PTPN13: variants seen among roughly 807,000 people sequenced by gnomAD.
PTPN13 encodes the protein protein tyrosine phosphatase non-receptor type 13, also known as tyrosine-protein phosphatase non-receptor type 13.
In PTPN13, 191 loss-of-function variants were observed where a neutral mutation model predicts 284.0. That is an observed-to-expected ratio of 0.67 (90% CI 0.60 to 0.76). PTPN13 has a LOEUF of 0.76. PTPN13 is among the 30% of genes least tolerant of loss of function. The pLI, the probability that PTPN13 is intolerant of heterozygous loss-of-function variation, is 0.00. For synonymous variants in PTPN13, 986 were observed against 1,022.3 expected (o/e 0.96, Z 0.68); for missense variants, 2,797 against 2,939.9 (o/e 0.95, Z 1.12).
chr4:86,652,275 C>T (rs1010638259), intron 2 of PTPN13, among the ~76,000 whole-genome samples: 3 of 151,978 alleles, frequency 2.0e-5, no homozygotes, highest in Non-Finnish European at 4.4e-5. Context: ...TTCTTTTAGT[C>T]TACTAAAATA....
chr4:86,766,732 A>G, intron 27 of PTPN13: 1 of 385,832 alleles, frequency 2.6e-6, no homozygotes, highest in African/African-American at 2.1e-5. Context: ...TCTATGTCAC[A>G]TTTAACGCTT....
intron 12 of PTPN13, among the ~76,000 whole-genome samples, chr4:86,733,891 A>G (rs1018645650): frequency 2.6e-5 from 4 of 152,202 alleles, no homozygotes; most frequent in African/African-American, 9.6e-5. Flanking sequence ...TATTTATTAA[A>G]TGTTTACCGT....
rs140392942 is a variant in PTPN13, at chr4:86,701,312, G to A, written c.706G>A (p.Gly236Arg). Residue 236 changes from glycine (G) to arginine (R), a missense_variant, in exon 7 of 48, where the codon GGG becomes AGG. Transcript: ENST00000411767. Reference protein sequence around the residue: ...PLSHQTFLNKGLSKSMGFLSI... With the variant: ...PLSHQTFLNKRLSKSMGFLSI... Reference sequence around the variant, plus strand: ...CTCTCATCAGACCTTTCTTAACAAAGGGCTTAGTAAATCTATGGGATTTCT... The same window carrying A: ...CTCTCATCAGACCTTTCTTAACAAAAGGCTTAGTAAATCTATGGGATTTCT... 7 of 1,612,516 alleles carry A rather than the reference G, an allele frequency of 4.3e-6. No homozygotes were observed. The highest frequency in any genetic ancestry group is 1.7e-4 in the Middle Eastern group (1 of 6,058).
chr4:86,776,355 C>T (rs1189814029), intron 35 of PTPN13, among the ~76,000 whole-genome samples: 2 of 152,156 alleles, frequency 1.3e-5, no homozygotes, highest in Non-Finnish European at 2.9e-5. Flanking sequence ...TTAGTTATTT[C>T]CTCCTCCCTG....
Position 86,758,822 on chromosome 4 carries a change from G to A in PTPN13, c.3421+37G>A. 1.9e-6 allele frequency: 3 copies of A among 1,599,194 alleles called. No individual in the cohort carries two copies. The South Asian group carries it at 3.4e-5, about 18-fold the overall frequency. On this transcript the variant is annotated intron_variant, in intron 22 of 47. Transcript: ENST00000411767. ...TTTGGTAGTTTTCTAAGTATTTTCTGACAGGCATGAATTTAGGAACTTAGG... is the reference window on the plus strand; with the variant it reads ...TTTGGTAGTTTTCTAAGTATTTTCTAACAGGCATGAATTTAGGAACTTAGG...
intron 24 of PTPN13, among the ~76,000 whole-genome samples, chr4:86,764,269 T>G (rs1401553494): frequency 6.6e-6 from 1 of 152,192 alleles, no homozygotes; most frequent in East Asian, 1.9e-4. Context: ...TAGGTTTCCA[T>G]CTGCCATATC....
intron 2 of PTPN13, among the ~76,000 whole-genome samples, chr4:86,669,285 G>GTATATATATATATATATATATATA (rs34939020): frequency 1.8e-5 from 2 of 113,340 alleles, no homozygotes; most frequent in Admixed American, 9.0e-5. Context: ...GGAAGAAGAT[G>GTATATATATATATATATATATATA]TATATATATA....
intron 1 of PTPN13, among the ~76,000 whole-genome samples, chr4:86,616,351 T>C (rs942031026): frequency 1.3e-5 from 2 of 152,030 alleles, no homozygotes; most frequent in African/African-American, 4.8e-5. Context: ...GAAGGCCTCA[T>C]AGAGATGTTA....
chr4:86,722,325 G>C lies in PTPN13; in HGVS notation c.1499G>C (p.Arg500Pro), dbSNP rs61757789. ...GCCAAAATGGCCCTTAGACAGTCTCGGTTGAGCCTATATCCAGGAGACACA... is the reference window on the plus strand; with the variant it reads ...GCCAAAATGGCCCTTAGACAGTCTCCGTTGAGCCTATATCCAGGAGACACA... ...LQAKMALRQS[R>P]LSLYPGDTIK... The change falls in exon 10 of 48, where the codon CGG (arginine) becomes CCG (proline). Residue 500 changes from arginine to proline, a missense_variant. Transcript: ENST00000411767. The C allele has an allele frequency of 3.4e-3, 5,530 of 1,613,688 alleles. 16 individuals are homozygous for C. Among genetic ancestry groups the C allele is most frequent in the Non-Finnish European group, 4.2e-3 (4,926 of 1,179,764 alleles).
At chr4:86,809,570 C>G (rs895029430) in intron 45 of PTPN13, among the ~76,000 whole-genome samples, 199 bp from the exon 46 acceptor site, 2 of 152,012 alleles carry the variant, frequency 1.3e-5, no homozygotes, top group African/African-American at 4.8e-5. Context: ...TGGCAATGTG[C>G]GCCTGTAATC....
At position 86,707,866 on chromosome 4, in the gene PTPN13, T is replaced by G. The variant is rs112923482; in HGVS notation, c.1195+6065T>G. ...TCAAATACCACATGTATTTCAGGCATTAATGACTTAATTACTAGATTAAGA... is the reference window on the plus strand; with the variant it reads ...TCAAATACCACATGTATTTCAGGCAGTAATGACTTAATTACTAGATTAAGA... On this transcript the variant is annotated intron_variant, in intron 7 of 47. Transcript: ENST00000411767. 3.7e-3 allele frequency among the ~76,000 whole-genome samples: 556 copies of G among 152,320 alleles called. 2 individuals carry two copies. Among genetic ancestry groups the G allele is most frequent in the African/African-American group, 0.013 (533 of 41,566 alleles).
intron 10 of PTPN13, among the ~76,000 whole-genome samples, chr4:86,726,335 G>A (rs1292183111): frequency 6.7e-6 from 1 of 149,456 alleles, no homozygotes; most frequent in Non-Finnish European, 1.5e-5. Flanking sequence ...CTTTAAAGTA[G>A]TTTTTTCTTA....
intron 44 of PTPN13, among the ~76,000 whole-genome samples, chr4:86,807,138 T>C (rs914028818): frequency 2.0e-5 from 3 of 152,206 alleles, no homozygotes; most frequent in Admixed American, 2.0e-4. Context: ...AATTGTGTTC[T>C]ATGAAAAATT....
chr4:86,701,702 C>G lies in PTPN13; in HGVS notation c.1096C>G (p.Arg366Gly), dbSNP rs533555920. The change falls in exon 7 of 48, where the codon CGA (arginine) becomes GGA (glycine). Residue 366 changes from arginine (R) to glycine (G), a missense_variant. By Grantham distance (125) the Arg-to-Gly change is moderately radical. Transcript: ENST00000411767. ...GAAAATGGATCCAATATATCACACTCGAGAATTGCCCACCTCCTCAGCAAT... is the reference window on the plus strand; with the variant it reads ...GAAAATGGATCCAATATATCACACTGGAGAATTGCCCACCTCCTCAGCAAT... ...PQKMDPIYHT[R>G]ELPTSSAISS... is the part of the protein sequence containing the mutation. 117 of 1,613,926 alleles carry G rather than the reference C, an allele frequency of 7.2e-5. 1 individual carries two copies. The South Asian group carries it at 1.1e-3, about 15-fold the overall frequency.
chr4:86,718,958 G>A (rs1035080772), intron 9 of PTPN13, among the ~76,000 whole-genome samples: 19 of 152,060 alleles, frequency 1.2e-4, no homozygotes, highest in African/African-American at 4.1e-4. Flanking sequence ...AAAGATCTAT[G>A]CTTTACGTTA....
intron 21 of PTPN13, 29 bp from the exon 22 acceptor site, chr4:86,758,649 A>C (rs1289568765): frequency 1.3e-6 from 2 of 1,569,976 alleles, no homozygotes; most frequent in Non-Finnish European, 1.8e-6. Flanking sequence ...AGCAATATGA[A>C]AATCTTTTTA....
intron 3 of PTPN13, among the ~76,000 whole-genome samples, chr4:86,679,361 C>A (rs1728634347): frequency 6.6e-6 from 1 of 152,064 alleles, no homozygotes; most frequent in South Asian, 2.1e-4. Context: ...TGGAAGGGAC[C>A]CTGTTTGTCC....
At chr4:86,786,979 C>G (rs1373495428) in intron 40 of PTPN13, among the ~76,000 whole-genome samples, 5 of 151,836 alleles carry the variant, frequency 3.3e-5, no homozygotes, top group African/African-American at 1.2e-4. Context: ...GTGGCGCACA[C>G]CTGTATTCCC....
chr4:86,814,164 G>A (rs1004485821), intron 47 of PTPN13, among the ~76,000 whole-genome samples: 2 of 151,360 alleles, frequency 1.3e-5, no homozygotes, highest in Admixed American at 6.6e-5. Context: ...GTGCCACGAC[G>A]CCCAGCTAAT....
Sources: allele counts gnomAD v4.1 joint callset (sites outside exome capture counted in the v4.1 genomes callset), GRCh38; gene constraint gnomAD v4.1.1; transcripts MANE v1.5; gene names NCBI Gene and HGNC (gene_info 2026-07-23, HGNC 2026-07-21).